Variants in OVCH1 observed in about 807,000 individuals in gnomAD.
The protein encoded by OVCH1 is ovochymase-1.
Under a neutral mutation model 138.4 loss-of-function variants are expected in OVCH1, and 139 were observed. That is an observed-to-expected ratio of 1.00 (90% confidence interval 0.87 to 1.16). The LOEUF (loss-of-function observed/expected upper bound fraction) is 1.16. Among genes scored for constraint, OVCH1 ranks in the 50% most tolerant of loss-of-function variants. The pLI is 0.00. For synonymous variants in OVCH1, 453 were observed against 467.8 expected, an observed-to-expected ratio of 0.97 and a Z score of 0.41; for missense variants, 1,367 against 1,357.9, an observed-to-expected ratio of 1.01 and a Z score of -0.11.
downstream of OVCH1, among the ~76,000 whole-genome samples, chr12:29,409,627 T>A (rs898548187): frequency 1.3e-5 from 2 of 152,160 alleles, no homozygotes; most frequent in Non-Finnish European, 2.9e-5. Flanking sequence ...TTTGAGTGAG[T>A]TTCTTAATCC....
At chr12:29,434,803 T>A (rs1387943632) in intron 26 of OVCH1, among the ~76,000 whole-genome samples, 1 of 152,192 alleles carries the variant, frequency 6.6e-6, no homozygotes, top group African/African-American at 2.4e-5. Context: ...TTCTGCTATA[T>A]CAATATAAAA....
the OVCH1 span, among the ~76,000 whole-genome samples, chr12:29,403,291 A>G: frequency 6.6e-6 from 1 of 152,220 alleles, no homozygotes; most frequent in African/African-American, 2.4e-5. Flanking sequence ...TCTATAGGAA[A>G]GAAATCCTGA....
At chr12:29,440,891 G>C in intron 25 of OVCH1, 147 bp from the exon 26 acceptor site, 1 of 386,966 alleles carries the variant, frequency 2.6e-6, no homozygotes, top group Admixed American at 3.1e-5. Flanking sequence ...ACTTGTATCT[G>C]GGCCCTTCTT....
At chr12:29,432,343 G>A (rs925906791) in intron 27 of OVCH1, among the ~76,000 whole-genome samples, 3 of 152,230 alleles carry the variant, frequency 2.0e-5, no homozygotes, top group African/African-American at 7.2e-5. Flanking sequence ...TTCAGAAGTA[G>A]TAGCATTCTA....
At chr12:29,465,696 TG>T (rs1942291576) in intron 16 of OVCH1, among the ~76,000 whole-genome samples, 1 of 152,320 alleles carries the variant, frequency 6.6e-6, no homozygotes, top group African/African-American at 2.4e-5. Flanking sequence ...TCATGTATCC[TG>T]CCCCTTTCTT....
chr12:29,480,097 C>CA (rs1391336404), intron 8 of OVCH1, among the ~76,000 whole-genome samples: 1 of 152,136 alleles, frequency 6.6e-6, no homozygotes, highest in Admixed American at 6.5e-5. Context: ...GCTGGGATTA[C>CA]AGGTGTGAGC....
chr12:29,433,235 T>C (rs950179478), intron 27 of OVCH1, among the ~76,000 whole-genome samples: 6 of 152,192 alleles, frequency 3.9e-5, no homozygotes, highest in Non-Finnish European at 7.4e-5. Flanking sequence ...CTCATGTGTC[T>C]GGGGAGGGAC....
intron 5 of OVCH1, 42 bp from the exon 6 acceptor site, chr12:29,489,813 T>C: frequency 1.3e-6 from 2 of 1,568,908 alleles, no homozygotes; most frequent in Non-Finnish European, 1.7e-6. Flanking sequence ...AATATCCTCA[T>C]GGAAACAAAT....
chr12:29,439,382 T>C, exon 26 of OVCH1: 3 of 1,568,968 alleles, frequency 1.9e-6, no homozygotes, highest in South Asian at 1.2e-5. Context: ...TCAGTTTTTC[T>C]CTTTTTAATA....
rs1440305911 is a variant in OVCH1 at position 29,486,245 on chromosome 12, C to T, written c.995+1G>A. 1.9e-6 allele frequency: 3 copies of T among 1,608,052 alleles called. No individual in the cohort carries two copies. Among genetic ancestry groups the T allele is most frequent in the South Asian group, 2.2e-5 (2 of 90,988 alleles). On this transcript the variant is annotated splice_donor_variant, in intron 8 of 27. Transcript: ENST00000318184. LOFTEE classifies it high-confidence loss of function. ...GCTTCCTTCTCTAATTAGAACCACACATACCCTTTCCTCTCTGGCTTCCAT... is the reference window on the plus strand; with the variant it reads ...GCTTCCTTCTCTAATTAGAACCACATATACCCTTTCCTCTCTGGCTTCCAT...
chr12:29,492,535 T>C (rs1592120143), intron 4 of OVCH1, among the ~76,000 whole-genome samples: 1 of 152,014 alleles, frequency 6.6e-6, no homozygotes, highest in African/African-American at 2.4e-5. Context: ...AAGAAGCAGC[T>C]TGAGAAAATT....
chr12:29,414,747 T>A (rs951328200), intron 3 of OVCH1, among the ~76,000 whole-genome samples: 36 of 152,090 alleles, frequency 2.4e-4, no homozygotes, highest in Non-Finnish European at 5.9e-5. Flanking sequence ...AAAAAAAAAA[T>A]ATATATACAA....
intron 12 of OVCH1, among the ~76,000 whole-genome samples, chr12:29,476,797 ACACACACACAG>A (rs1160303789): frequency 3.1e-5 from 2 of 64,686 alleles, no homozygotes; most frequent in African/African-American, 4.4e-5. Flanking sequence ...ACACACACAC[ACACACACACAG>A]GTTAGTAAAT....
intron 27 of OVCH1, among the ~76,000 whole-genome samples, chr12:29,431,847 C>A (rs1027142242): frequency 6.6e-6 from 1 of 151,730 alleles, no homozygotes; most frequent in Non-Finnish European, 1.5e-5. Context: ...GAGTCTCTTA[C>A]CTGAGTTAAC....
chr12:29,478,772 A>G, intron 9 of OVCH1, 63 bp downstream of exon 10: 5 of 1,181,702 alleles, frequency 4.2e-6, no homozygotes, highest in Non-Finnish European at 5.7e-6. Context: ...TAGATCCTTT[A>G]GCATCTCTTT....
intron 16 of OVCH1, among the ~76,000 whole-genome samples, chr12:29,467,601 CAGAA>C (rs1479064760): frequency 6.6e-6 from 1 of 152,112 alleles, no homozygotes. Flanking sequence ...GACTTTATCA[CAGAA>C]AGAAAGTCAC....
Position 29,465,953 on chromosome 12 carries a change from C to T in OVCH1, c.1857-734G>A, listed in dbSNP as rs112596537. Among the ~76,000 whole-genome samples, 564 of 151,868 alleles carry T rather than the reference C, an allele frequency of 3.7e-3. 4 individuals are homozygous for T. Among genetic ancestry groups the T allele is most frequent in the African/African-American group, 0.013 (533 of 41,432 alleles). On this transcript the variant is annotated intron_variant, in intron 16 of 27. Coordinates refer to ENST00000318184, the Ensembl canonical transcript of OVCH1. ...TGAGTTCATGTCCTTTGTAGGGACA[C>T]GGATGAAGCTGGAAACCAACATTCT...
the OVCH1 span, among the ~76,000 whole-genome samples, chr12:29,404,028 C>T: frequency 6.6e-6 from 1 of 152,184 alleles, no homozygotes; most frequent in African/African-American, 2.4e-5. Context: ...TACAAACACA[C>T]CAACACCAAC....
At chr12:29,433,535 T>C (rs1941306257) in intron 27 of OVCH1, among the ~76,000 whole-genome samples, 1 of 152,206 alleles carries the variant, frequency 6.6e-6, no homozygotes, top group African/African-American at 2.4e-5. Context: ...ATACAGTAAC[T>C]TAATATACTA....
Sources: allele counts gnomAD v4.1 joint callset (sites outside exome capture counted in the v4.1 genomes callset), GRCh38; gene constraint gnomAD v4.1.1; transcripts MANE v1.5; gene names NCBI Gene and HGNC (gene_info 2026-07-23, HGNC 2026-07-21).